Variants in LIAS observed in about 807,000 individuals in gnomAD.
LIAS encodes lipoic acid synthetase, also known as lipoyl synthase, mitochondrial.
A neutral mutation model predicts 49.4 loss-of-function variants in LIAS; 36 were observed. The ratio of observed to expected loss-of-function variants is 0.73; its 90% CI spans 0.56 to 0.96. The LOEUF (loss-of-function observed/expected upper bound fraction) is 0.96. LIAS is among the 40% of genes least tolerant of loss of function. The pLI is 0.00. For missense variants in LIAS, 399 were observed against 456.3 expected (o/e 0.87, Z 1.14); for synonymous variants, 145 against 155.8 (o/e 0.93, Z 0.52).
chr4:39,470,057 T>C lies in LIAS; in HGVS notation c.776T>C (p.Leu259Pro). 1 of 1,614,060 alleles carries C rather than the reference T, an allele frequency of 6.2e-7. No homozygotes were observed. The highest frequency in any genetic ancestry group is 8.5e-7 in the Non-Finnish European group (1 of 1,179,892). Residue 259 changes from leucine (L) to proline (P), a missense_variant, in exon 8 of 11, where the codon CTA (leucine) becomes CCA (proline). Around this residue, in one of 3 missense-constraint regions of LIAS, gnomAD observed 234 missense variants for 292.2 expected, o/e 0.80. Transcript: ENST00000640888. ...RDPRANFDQS[L>P]RVLKHAKKVQ... ...CCTCGGGCCAATTTTGATCAGTCCC[T>C]ACGTGTACTGAAACATGCCAAGAAG...
chr4:39,472,528 A>G (rs1745032547), intron 9 of LIAS, among the ~76,000 whole-genome samples: 1 of 152,228 alleles, frequency 6.6e-6, no homozygotes, highest in Admixed American at 6.5e-5. Flanking sequence ...CTAGAGAAAA[A>G]GAATTTAAAA....
intron 6 of LIAS, 45 bp downstream of exon 6, chr4:39,465,387 C>A: frequency 6.5e-7 from 1 of 1,530,838 alleles, no homozygotes; most frequent in Non-Finnish European, 8.9e-7. Context: ...TTTTTGGACC[C>A]ATATGAGTTA....
chr4:39,472,124 T>TACAC lies in LIAS; in HGVS notation c.954+838_954+841dup, dbSNP rs150010225. The stretch of plus-strand genomic sequence containing the variant: ...ATATCTGTATATACACACACACATA[T>TACAC]ACACACACACACACACACACACATA... On this transcript the variant is annotated intron_variant, in intron 9 of 10. Transcript: ENST00000640888. Among the ~76,000 whole-genome samples, 7 of 150,248 alleles carry TACAC rather than the reference T, an allele frequency of 4.7e-5. 1 individual carries two copies. Among genetic ancestry groups the TACAC allele is most frequent in the South Asian group, 4.2e-4 (2 of 4,770 alleles).
At chr4:39,471,565 C>A (rs1231261035) in intron 9 of LIAS, among the ~76,000 whole-genome samples, 1 of 120,062 alleles carries the variant, frequency 8.3e-6, no homozygotes, top group Admixed American at 1.1e-4. Flanking sequence ...CTCGCTCTGT[C>A]GCCCAGGCTG....
At chr4:39,459,280 C>A in intron 1 of LIAS, 118 bp downstream of exon 1, 1 of 849,778 alleles carries the variant, frequency 1.2e-6, no homozygotes, top group South Asian at 1.7e-5. Context: ...TAGCCAACGG[C>A]AGTTTTAAAC....
At chr4:39,467,785 A>C in intron 7 of LIAS, 139 bp downstream of exon 7, 15 of 736,274 alleles carry the variant, frequency 2.0e-5, no homozygotes, top group Non-Finnish European at 2.4e-5. Context: ...AGGCAAACTC[A>C]ATCTATGTCT....
chr4:39,459,420 A>G (rs377091951), intron 1 of LIAS, among the ~76,000 whole-genome samples: 2 of 152,138 alleles, frequency 1.3e-5, no homozygotes, highest in Non-Finnish European at 2.9e-5. Flanking sequence ...TTTGTACCCT[A>G]TATTTATGGA....
Position 39,463,580 on chromosome 4 carries a change from A to G in LIAS, c.368A>G (p.Tyr123Cys). The change falls in exon 4 of 11, where the codon TAT (tyrosine) becomes TGT (cysteine). Residue 123 changes from tyrosine to cysteine, a missense_variant. By Grantham distance (194) the Tyr-to-Cys change is radical (BLOSUM62 -2). This residue lies in a region of LIAS where 6 missense variants were observed against 16.6 expected (regional missense o/e 0.36). Transcript: ENST00000640888. ...NIGECWGGGEYATATATIMLM... is the reference protein window; with the variant it reads ...NIGECWGGGECATATATIMLM... Reference sequence around the variant, plus strand: ...GGAGAGTGTTGGGGAGGTGGAGAATATGCCACCGCCACAGCCACGATCATG... The same window carrying G: ...GGAGAGTGTTGGGGAGGTGGAGAATGTGCCACCGCCACAGCCACGATCATG... 6.2e-7 allele frequency: 1 copy of G among 1,612,676 alleles called. No homozygotes were observed. Among genetic ancestry groups the G allele is most frequent in the Non-Finnish European group, 8.5e-7 (1 of 1,179,216 alleles).
Position 39,462,264 on chromosome 4 carries a change from C to A in LIAS, c.287C>A (p.Thr96Asn), listed in dbSNP as rs778102429. The part of the protein sequence containing the change: ...MGKNYNKLKN[T>N]LRNLNLHTVC... ...AAAAATTACAATAAACTGAAAAATA[C>A]TTTGCGGAATTTAAATCTCCATACA... The change falls in exon 3 of 11, where the codon ACT (threonine) becomes AAT (asparagine). Residue 96 changes from threonine (T) to asparagine (N), a missense_variant. This residue lies in a region of LIAS where 159 missense variants were observed against 147.6 expected (regional missense o/e 1.08). Coordinates refer to ENST00000640888, the MANE Select transcript of LIAS (RefSeq NM_006859.4). 1 of 1,563,272 alleles carries A rather than the reference C, an allele frequency of 6.4e-7. No homozygotes were observed. The highest frequency in any genetic ancestry group is 1.9e-5 in the Admixed American group (1 of 52,776).
Position 39,478,237 on chromosome 4 carries a change from C to G in LIAS, c.*1122C>G, listed in dbSNP as rs1745271695. The G allele has an allele frequency of 6.6e-6, 1 of 152,172 alleles. No homozygotes were observed. The highest frequency in any genetic ancestry group is 2.1e-4 in the South Asian group (1 of 4,830). The allele number at this position is 152,172 out of a possible 1,614,324, so 9.4% of individuals were successfully genotyped here. Reference sequence around the variant, plus strand: ...AGTGAATGTTGGCCAGATGTGGTGGCTCATGCCTGTAATTCCAGCACTCTG... The same window carrying G: ...AGTGAATGTTGGCCAGATGTGGTGGGTCATGCCTGTAATTCCAGCACTCTG... On this transcript the variant is annotated 3_prime_UTR_variant, in exon 11 of 11. Coordinates refer to ENST00000640888, the MANE Select transcript of LIAS (RefSeq NM_006859.4).
chr4:39,462,626 A>G (rs1706781480), intron 3 of LIAS, among the ~76,000 whole-genome samples: 1 of 152,272 alleles, frequency 6.6e-6, no homozygotes, highest in Admixed American at 6.5e-5. Flanking sequence ...TCTTCAGTAT[A>G]TAATCTTTCA....
At chr4:39,459,321 G>T (rs928573488) in intron 1 of LIAS, 159 bp downstream of exon 1, 2 of 648,780 alleles carry the variant, frequency 3.1e-6, no homozygotes, top group South Asian at 1.9e-5. Context: ...TAATTATCCC[G>T]CCAGCCCCAT....
intron 8 of LIAS, 90 bp downstream of exon 8, chr4:39,470,254 G>A: frequency 2.7e-6 from 3 of 1,093,184 alleles, no homozygotes; most frequent in Non-Finnish European, 2.6e-6. Context: ...TAAGAACAAA[G>A]AAAAGTATAT....
At chr4:39,462,169 T>A (rs761462392) in intron 2 of LIAS, 27 bp from the exon 3 acceptor site, 1 of 1,063,742 alleles carries the variant, frequency 9.4e-7, no homozygotes, top group Non-Finnish European at 1.4e-6. Context: ...TATTTGTTAA[T>A]AGATAGTTAT....
rs142553402 is a variant in LIAS, at chr4:39,471,429, G to A, written c.954+123G>A. 2.7e-3 allele frequency: 1,822 copies of A among 671,098 alleles called. 22 individuals carry two copies. In the African/African-American group the frequency reaches 0.027, roughly 10 times the overall value. 41.6% of individuals were successfully genotyped at this position (671,098 alleles called of 1,614,324 possible). On this transcript the variant is annotated intron_variant, in intron 9 of 10. Coordinates refer to ENST00000640888, the MANE Select transcript of LIAS (RefSeq NM_006859.4). ...GCTCACTGTAATCTCTGCTTCCTGG[G>A]TTCAGGTGATTCTCCTGCCTCACCC... is the stretch of plus-strand genomic sequence containing the variant.
chr4:39,463,811 T>G, intron 4 of LIAS: 2 of 1,056,950 alleles, frequency 1.9e-6, no homozygotes, highest in South Asian at 6.7e-5. Context: ...TATTGGTTCT[T>G]TCATTTATGT....
chr4:39,463,834 C>T (rs961699321), intron 4 of LIAS: 17 of 855,694 alleles, frequency 2.0e-5, no homozygotes, highest in Non-Finnish European at 2.5e-5. Flanking sequence ...TAGTTAATCA[C>T]GTGCTGCCTT....
Position 39,477,097 on chromosome 4 carries a change from AAAAAC to A in LIAS, c.1106_1110del (p.Thr369ArgfsTer16), listed in dbSNP as rs1560674852. 13 of 1,598,674 alleles carry A rather than the reference AAAAAC, an allele frequency of 8.1e-6. No individual in the cohort carries two copies. In the Admixed American group the frequency reaches 2.0e-4, roughly 24 times the overall value. ...TCCTGAAAAATCTAGTGGCTAAAAG[AAAAAC>A]AAAAGACCTCTAAAACTTCAACAAG... On this transcript the variant is annotated frameshift_variant, in exon 11 of 11. Transcript: ENST00000640888. LOFTEE classifies it high-confidence loss of function.
chr4:39,472,821 T>C (rs948340687), intron 9 of LIAS, among the ~76,000 whole-genome samples: 14 of 152,224 alleles, frequency 9.2e-5, no homozygotes, highest in Admixed American at 9.2e-4. Flanking sequence ...AAATAATATC[T>C]GTAGATAATC....
Sources: gnomAD v4.1 joint callset for allele counts (sites outside exome capture counted in the v4.1 genomes callset) on GRCh38, gnomAD v4.1.1 for gene constraint, gnomAD v4.1.1 regional missense constraint, MANE v1.5 for transcripts, NCBI Gene and HGNC (gene_info 2026-07-23, HGNC 2026-07-21) for gene names.